The following DPP10 variants were observed in gnomAD, a reference collection of about 807,000 sequenced individuals.
DPP10 encodes inactive dipeptidyl peptidase 10.
Under a neutral mutation model 120.9 loss-of-function variants are expected in DPP10, and 33 were observed. The ratio of observed to expected loss-of-function variants is 0.27; its 90% CI spans 0.21 to 0.37. DPP10 has a LOEUF of 0.37. DPP10 is among the 10% of genes least tolerant of loss of function. DPP10 has a pLI of 1.00. For missense variants in DPP10, 816 were observed against 942.8 expected, an observed-to-expected ratio of 0.87 and a Z score of 1.76; for synonymous variants, 337 against 326.1, an observed-to-expected ratio of 1.03 and a Z score of -0.36.
At chr2:114,491,984 A>G (rs1012570788) in intron 1 of DPP10, among the ~76,000 whole-genome samples, 2 of 152,180 alleles carry the variant, frequency 1.3e-5, no homozygotes, top group Admixed American at 1.3e-4. Flanking sequence ...CAAAAAATGG[A>G]CTAATGAATG....
At chr2:115,023,499 T>A (rs1006025790) in intron 1 of DPP10, among the ~76,000 whole-genome samples, 11 of 151,938 alleles carry the variant, frequency 7.2e-5, no homozygotes, top group African/African-American at 2.7e-4. Flanking sequence ...AAATAATAGA[T>A]GTTGTTGTGG....
chr2:114,601,628 G>A (rs538176113), intron 1 of DPP10, among the ~76,000 whole-genome samples: 1 of 152,044 alleles, frequency 6.6e-6, no homozygotes, highest in South Asian at 2.1e-4. Flanking sequence ...GTATGCTGCA[G>A]GGCTGAAATA....
At chr2:115,392,119 C>G (rs571982526) in intron 3 of DPP10, among the ~76,000 whole-genome samples, 1 of 152,114 alleles carries the variant, frequency 6.6e-6, no homozygotes, top group Non-Finnish European at 1.5e-5. Context: ...GATATAATAA[C>G]GTCATCTTCA....
At chr2:114,832,256 G>A (rs944575334) in intron 1 of DPP10, among the ~76,000 whole-genome samples, 7 of 152,156 alleles carry the variant, frequency 4.6e-5, no homozygotes, top group Admixed American at 6.5e-5. Flanking sequence ...GGCCCTGGCC[G>A]GGGGTGGTGG....
At chr2:115,482,012 G>A (rs1036291450) in intron 3 of DPP10, among the ~76,000 whole-genome samples, 3 of 151,990 alleles carry the variant, frequency 2.0e-5, no homozygotes, top group African/African-American at 7.2e-5. Context: ...TTTACTTGGA[G>A]TAGATGAAAC....
chr2:115,040,263 T>A (rs1243703787), intron 1 of DPP10, among the ~76,000 whole-genome samples: 1 of 151,016 alleles, frequency 6.6e-6, no homozygotes, highest in Admixed American at 6.6e-5. Flanking sequence ...CAAAAAAGAG[T>A]AGGAATATTT....
intron 1 of DPP10, among the ~76,000 whole-genome samples, chr2:115,101,874 A>G (rs1029300082): frequency 1.3e-5 from 2 of 152,220 alleles, no homozygotes; most frequent in Non-Finnish European, 2.9e-5. Context: ...GAGGTTATCA[A>G]TACAGTGGAC....
At chr2:114,447,849 G>C (rs1678029811) in intron 1 of DPP10, among the ~76,000 whole-genome samples, 1 of 152,112 alleles carries the variant, frequency 6.6e-6, no homozygotes. Context: ...TAGAAATAAG[G>C]ATATTTTATG....
chr2:115,844,078 AG>A lies in DPP10; in HGVS notation c.*1735del, dbSNP rs750631940. On this transcript the variant is annotated 3_prime_UTR_variant, in exon 26 of 26. Transcript: ENST00000410059. ...CACTGGGTTCAATTTAAAATAGGAGAGGCTTTCTCTTCTGAAAGATCCATTT... is the reference window on the plus strand; with the variant it reads ...CACTGGGTTCAATTTAAAATAGGAGAGCTTTCTCTTCTGAAAGATCCATTT... 1.6e-4 allele frequency: 24 copies of A among 152,658 alleles called. No individual in the cohort carries two copies. The highest frequency in any genetic ancestry group is 2.2e-4 in the Non-Finnish European group (15 of 67,980). 9.5% of individuals were successfully genotyped at this position (152,658 alleles called of 1,614,324 possible).
chr2:114,934,798 G>A (rs1696334872), intron 1 of DPP10, among the ~76,000 whole-genome samples: 1 of 152,056 alleles, frequency 6.6e-6, no homozygotes, highest in East Asian at 1.9e-4. Flanking sequence ...GAGGGGAGGA[G>A]GTAAGTGAAA....
At chr2:114,866,047 G>A (rs965206815) in intron 1 of DPP10, among the ~76,000 whole-genome samples, 2 of 151,962 alleles carry the variant, frequency 1.3e-5, no homozygotes, top group East Asian at 1.9e-4. Flanking sequence ...GGGGGGCGGA[G>A]GTTGCAGTGA....
intron 1 of DPP10, among the ~76,000 whole-genome samples, chr2:114,721,575 A>G (rs530942898): frequency 1.3e-5 from 2 of 152,040 alleles, no homozygotes; most frequent in African/African-American, 4.8e-5. Flanking sequence ...TCATCACCCA[A>G]TTGTGAATCT....
intron 1 of DPP10, among the ~76,000 whole-genome samples, chr2:114,469,877 C>A (rs2104609282): frequency 6.6e-6 from 1 of 152,204 alleles, no homozygotes; most frequent in East Asian, 1.9e-4. Context: ...GCCCTTCCTG[C>A]CAAATGTAAC....
intron 10 of DPP10, among the ~76,000 whole-genome samples, chr2:115,747,611 T>G (rs1678151300): frequency 6.6e-6 from 1 of 150,810 alleles, no homozygotes; most frequent in Non-Finnish European, 1.5e-5. Flanking sequence ...TTTTTTTTCT[T>G]GAGATGGAGT....
intron 1 of DPP10, among the ~76,000 whole-genome samples, chr2:114,563,779 G>A (rs1181864558): frequency 2.0e-5 from 3 of 152,170 alleles, no homozygotes; most frequent in Non-Finnish European, 4.4e-5. Flanking sequence ...AAACAAGCAA[G>A]TGTGAGCGTT....
intron 1 of DPP10, among the ~76,000 whole-genome samples, chr2:114,480,989 T>C (rs770344767): frequency 5.3e-4 from 80 of 151,346 alleles, no homozygotes; most frequent in Non-Finnish European, 1.1e-3. Context: ...TTAAAATGAA[T>C]AATGAACTTA....
intron 3 of DPP10, among the ~76,000 whole-genome samples, chr2:115,457,811 A>G (rs1202043749): frequency 1.3e-5 from 2 of 152,170 alleles, no homozygotes; most frequent in Non-Finnish European, 2.9e-5. Context: ...ACTGTTATTT[A>G]TATGCCAATG....
At position 115,136,341 on chromosome 2, in the gene DPP10, T is replaced by C. The variant is rs2050651575; in HGVS notation, c.61-172898T>C. Among the ~76,000 whole-genome samples, 6 of 152,250 alleles carry C rather than the reference T, an allele frequency of 3.9e-5. No homozygotes were observed. In the South Asian group the frequency reaches 1.2e-3, roughly 32 times the overall value. ...TGTGTGTGTCCTGTCCCAGTGTTTC[T>C]GTGATGATGTGGATGTCCTATGAAA... On this transcript the variant is annotated intron_variant, in intron 1 of 25. Transcript: ENST00000410059.
At chr2:115,261,808 T>A (rs567014002) in intron 1 of DPP10, among the ~76,000 whole-genome samples, 4 of 152,318 alleles carry the variant, frequency 2.6e-5, no homozygotes, top group African/African-American at 9.6e-5. Flanking sequence ...CAAGGTTTAG[T>A]TATATTATTG....
Sources: gnomAD v4.1 joint callset for allele counts (sites outside exome capture counted in the v4.1 genomes callset) on GRCh38, gnomAD v4.1.1 for gene constraint, MANE v1.5 for transcripts, NCBI Gene and HGNC (gene_info 2026-07-23, HGNC 2026-07-21) for gene names.